The following ANPEP variants were observed in gnomAD, a reference collection of about 807,000 sequenced individuals.
ANPEP encodes alanyl aminopeptidase, membrane.
A neutral mutation model predicts 114.6 loss-of-function variants in ANPEP; 70 were observed. The ratio of observed to expected loss-of-function variants is 0.61; its 90% confidence interval spans 0.50 to 0.75. The LOEUF (loss-of-function observed/expected upper bound fraction) is 0.75. Ranked by LOEUF, ANPEP falls within the 30% of genes least tolerant of loss-of-function variation. The probability of loss-of-function intolerance (pLI) is 0.00; values close to 1 mark genes in which losing one functional copy is unlikely to be tolerated. For missense variants in ANPEP, 1,184 were observed against 1,259.5 expected, an observed-to-expected ratio of 0.94 and a Z score of 0.91; for synonymous variants, 548 against 522.3, an observed-to-expected ratio of 1.05 and a Z score of -0.67.
intron 15 of ANPEP, 82 bp from the exon 16 acceptor site, chr15:89,793,208 G>T (rs918931629): frequency 1.6e-6 from 2 of 1,234,658 alleles, no homozygotes; most frequent in South Asian, 1.3e-5. Context: ...ATGTTGGGGG[G>T]CAGGCGCTGG....
chr15:89,793,207 G>T (rs1014830222), intron 15 of ANPEP, 81 bp from the exon 16 acceptor site: 2 of 1,234,964 alleles, frequency 1.6e-6, no homozygotes, highest in Non-Finnish European at 2.3e-6. Flanking sequence ...GATGTTGGGG[G>T]GCAGGCGCTG....
chr15:89,788,779 ATT>A (rs1455327916), intron 20 of ANPEP, among the ~76,000 whole-genome samples: 37 of 149,382 alleles, frequency 2.5e-4, no homozygotes, highest in Admixed American at 1.9e-3. Context: ...TTATTTATTT[ATT>A]TATTTATTTA....
At chr15:89,786,519 T>C (rs1485219785) in intron 20 of ANPEP, among the ~76,000 whole-genome samples, 10 of 151,204 alleles carry the variant, frequency 6.6e-5, no homozygotes, top group Non-Finnish European at 1.5e-5. Context: ...GGTGAAACCC[T>C]GTCTCTGCAG....
chr15:89,804,167 A>C (rs1382990033), intron 6 of ANPEP, 86 bp downstream of exon 6: 13 of 1,587,620 alleles, frequency 8.2e-6, no homozygotes, highest in Non-Finnish European at 1.1e-5. Context: ...CTCCCTTCTC[A>C]GCAGCCCGGG....
At chr15:89,792,906 T>C in intron 16 of ANPEP, 129 bp downstream of exon 16, 1 of 831,032 alleles carries the variant, frequency 1.2e-6, no homozygotes, top group South Asian at 1.6e-5. Context: ...ACCTCCCTGC[T>C]CCTGGGTGGG....
rs1968611881 is a variant in ANPEP at position 89,791,003 on chromosome 15, T to C, written c.2619A>G (p.Gln873=). The C allele has an allele frequency of 1.2e-6, 2 of 1,614,206 alleles. No individual in the cohort carries two copies. Among genetic ancestry groups the C allele is most frequent in the Non-Finnish European group, 8.5e-7 (1 of 1,180,024 alleles). ...IISITNNVIG[Q]GLVWDFVQSN... is the part of the protein sequence containing the mutation. ...TCTGGACAAAGTCCCAGACCAGACC[T>C]TGCCCAATGACGTTGTTGGTAATGC... Residue 873 remains glutamine (Q), a synonymous_variant, in exon 19 of 21, where the codon CAA becomes CAG. Coordinates refer to ENST00000300060, the MANE Select transcript of ANPEP (RefSeq NM_001150.3).
At position 89,801,101 on chromosome 15, in the gene ANPEP, G is replaced by A; in HGVS notation, c.1819+10C>T. On this transcript the variant is annotated intron_variant, in intron 12 of 20. Coordinates refer to ENST00000300060, the MANE Select transcript of ANPEP (RefSeq NM_001150.3). ...TGGGGGCTGCTGCCCATAAGGCAGGGCTGGATTACCTCTTACATCTATCAG... is the reference window on the plus strand; with the variant it reads ...TGGGGGCTGCTGCCCATAAGGCAGGACTGGATTACCTCTTACATCTATCAG... The A allele has an allele frequency of 6.2e-7, 1 of 1,613,622 alleles. No homozygotes were observed. Among genetic ancestry groups the A allele is most frequent in the Non-Finnish European group, 8.5e-7 (1 of 1,179,624 alleles).
At chr15:89,791,192 A>C in intron 18 of ANPEP, 99 bp from the exon 19 acceptor site, 2 of 1,386,306 alleles carry the variant, frequency 1.4e-6, no homozygotes, top group Non-Finnish European at 2.0e-6. Flanking sequence ...GCATCCTCTC[A>C]ACATCCCCTC....
chr15:89,790,862 A>G, intron 19 of ANPEP, 91 bp downstream of exon 19: 1 of 1,494,332 alleles, frequency 6.7e-7, no homozygotes, highest in Non-Finnish European at 9.1e-7. Flanking sequence ...ACTTCTGGTT[A>G]GTGCCCCCGG....
rs1346258440 is a variant in ANPEP at position 89,803,224 on chromosome 15, C to T, written c.1569+15G>A. 5 of 1,613,240 alleles carry T rather than the reference C, an allele frequency of 3.1e-6. No homozygotes were observed. Among genetic ancestry groups the T allele is most frequent in the Non-Finnish European group, 4.2e-6 (5 of 1,179,176 alleles). ...CCCCAACAGGATGGCTGTGGAGGGG[C>T]TGGCTGCTACTGACCTCCTGCAGGT... On this transcript the variant is annotated intron_variant, in intron 10 of 20. Coordinates refer to ENST00000300060, the MANE Select transcript of ANPEP (RefSeq NM_001150.3). This position sits in a 1 kb window ranked among gnomAD's most constrained non-coding sequence, Gnocchi z 4.2.
Position 89,803,365 on chromosome 15 carries a change from G to T in ANPEP, c.1504-61C>A. 6.2e-7 allele frequency: 1 copy of T among 1,613,032 alleles called. No homozygotes were observed. The highest frequency in any genetic ancestry group is 8.5e-7 in the Non-Finnish European group (1 of 1,179,038). ...GAGCCCCCCAGGCTCCCCCTCTGTG[G>T]TGGGCAGAGGCCCGGGTCAAGGGCG... On this transcript the variant is annotated intron_variant, in intron 9 of 20. Transcript: ENST00000300060. The surrounding 1 kb of genome is among the most constrained non-coding windows in gnomAD (Gnocchi z 4.2).
chr15:89,808,291 G>A (rs964042154), intron 1 of ANPEP, among the ~76,000 whole-genome samples: 2 of 152,140 alleles, frequency 1.3e-5, no homozygotes, highest in Non-Finnish European at 2.9e-5. Context: ...CAGCGAAGCC[G>A]CCCTGACCTC....
At position 89,799,932 on chromosome 15, in the gene ANPEP, C is replaced by G. The variant is rs996598896; in HGVS notation, c.1820-373G>C. On this transcript the variant is annotated intron_variant, in intron 12 of 20. Coordinates refer to ENST00000300060, the MANE Select transcript of ANPEP (RefSeq NM_001150.3). The surrounding 1 kb of genome is among the most constrained non-coding windows in gnomAD (Gnocchi z 4.2). ...ACAGGCAGCTCCTCCTCTCCCTTCC[C>G]CTCCCATTCACCCAGACCCCCAGTG... Among the ~76,000 whole-genome samples, 2 of 152,194 alleles carry G rather than the reference C, an allele frequency of 1.3e-5. No homozygotes were observed. Among genetic ancestry groups the G allele is most frequent in the African/African-American group, 2.4e-5 (1 of 41,460 alleles).
chr15:89,811,982 C>CA (rs1249542519), intron 1 of ANPEP, among the ~76,000 whole-genome samples: 1 of 152,150 alleles, frequency 6.6e-6, no homozygotes, highest in Non-Finnish European at 1.5e-5. Flanking sequence ...AAGCCAAAAC[C>CA]AAAAAACATG....
Position 89,804,317 on chromosome 15 carries a change from AG to A in ANPEP, c.1114del (p.Leu372CysfsTer14). ...CTCCTTGTTGCTGCTGGAGGAGGAC[AG>A]GGGGTCGAACAGCAGGGAGTTCTCC... ...YRENSLLFDP[L>X]SSSSSNKERV... On this transcript the variant is annotated frameshift_variant, in exon 6 of 21. Transcript: ENST00000300060. LOFTEE classifies it high-confidence loss of function. 4 of 1,614,144 alleles carry A rather than the reference AG, an allele frequency of 2.5e-6. No individual in the cohort carries two copies. Among genetic ancestry groups the A allele is most frequent in the Non-Finnish European group, 3.4e-6 (4 of 1,180,018 alleles).
intron 15 of ANPEP, 49 bp from the exon 16 acceptor site, chr15:89,793,175 C>A: frequency 6.5e-7 from 1 of 1,528,380 alleles, no homozygotes; most frequent in Non-Finnish European, 9.0e-7. Context: ...GCCTGACCTG[C>A]CTGGAGCCCC....
intron 12 of ANPEP, among the ~76,000 whole-genome samples, chr15:89,800,277 G>GTTC (rs1894561056): frequency 6.6e-6 from 1 of 152,100 alleles, no homozygotes; most frequent in Non-Finnish European, 1.5e-5. Context: ...CTAAGACTCA[G>GTTC]CTCACCTCCT....
Position 89,801,550 on chromosome 15 carries a change from A to G in ANPEP, c.1627T>C (p.Trp543Arg). 1 of 1,614,190 alleles carries G rather than the reference A, an allele frequency of 6.2e-7. No homozygotes were observed. The highest frequency in any genetic ancestry group is 8.5e-7 in the Non-Finnish European group (1 of 1,180,008). Residue 543 changes from tryptophan (W) to arginine (R), a missense_variant, in exon 11 of 21, where the codon TGG becomes CGG. Trp to Arg is a moderately radical substitution (Grantham distance 101). Transcript: ENST00000300060. ...PTTVRDIMNR[W>R]TLQMGFPVIT... Reference sequence around the variant, plus strand: ...ACCGGGAAGCCCATCTGCAGGGTCCAGCGGTTCATGATGTCCCGCACGGTG... The same window carrying G: ...ACCGGGAAGCCCATCTGCAGGGTCCGGCGGTTCATGATGTCCCGCACGGTG...
At chr15:89,813,637 C>A (rs975679255) in intron 1 of ANPEP, among the ~76,000 whole-genome samples, 1 of 152,116 alleles carries the variant, frequency 6.6e-6, no homozygotes, top group Non-Finnish European at 1.5e-5. Context: ...CTCCCCCATA[C>A]CCACTGGGGC....
Sources: gnomAD v4.1 joint callset for allele counts (sites outside exome capture counted in the v4.1 genomes callset) on GRCh38, gnomAD v4.1.1 for gene constraint, Gnocchi (gnomAD v3.1) non-coding constraint, MANE v1.5 for transcripts, NCBI Gene and HGNC (gene_info 2026-07-23, HGNC 2026-07-21) for gene names.